The following IGF2BP3 variants were observed in gnomAD, a reference collection of about 807,000 sequenced individuals.
IGF2BP3 encodes the protein insulin-like growth factor 2 mRNA-binding protein 3.
A neutral mutation model predicts 73.8 loss-of-function variants in IGF2BP3; 9 were observed. The ratio of observed to expected loss-of-function variants is 0.12; its 90% CI spans 0.07 to 0.21. The LOEUF is 0.21. Among genes scored for constraint, IGF2BP3 ranks in the 10% least tolerant of loss-of-function variants. IGF2BP3 has a pLI of 1.00. For missense variants in IGF2BP3, 542 were observed against 714.0 expected (o/e 0.76, Z 2.75); for synonymous variants, 258 against 256.7 (o/e 1.01, Z -0.05).
intron 10 of IGF2BP3, among the ~76,000 whole-genome samples, chr7:23,332,521 A>C (rs1483060307): frequency 6.6e-6 from 1 of 152,224 alleles, no homozygotes; most frequent in Non-Finnish European, 1.5e-5. Context: ...CCTTCCTACT[A>C]AACTATTATG....
intron 2 of IGF2BP3, among the ~76,000 whole-genome samples, chr7:23,459,537 A>C (rs2128550889): frequency 6.6e-6 from 1 of 152,300 alleles, no homozygotes; most frequent in South Asian, 2.1e-4. Flanking sequence ...ACCATTTGGA[A>C]GAACTGGACT....
intron 2 of IGF2BP3, among the ~76,000 whole-genome samples, chr7:23,446,437 C>T (rs1676653583): frequency 6.6e-6 from 1 of 152,000 alleles, no homozygotes; most frequent in African/African-American, 2.4e-5. Flanking sequence ...GTGGCGGGCA[C>T]CTGAAATCCC....
At chr7:23,321,420 G>C (rs531402159) in intron 10 of IGF2BP3, among the ~76,000 whole-genome samples, 21 of 150,966 alleles carry the variant, frequency 1.4e-4, no homozygotes, top group South Asian at 6.4e-4. Flanking sequence ...TCGGAGGGTC[G>C]TACGCCCACG....
chr7:23,382,838 G>A (rs1785953493), intron 3 of IGF2BP3, among the ~76,000 whole-genome samples: 1 of 142,266 alleles, frequency 7.0e-6, no homozygotes. Context: ...GTAGAGATTT[G>A]CTGGAGCCTA....
intron 3 of IGF2BP3, among the ~76,000 whole-genome samples, chr7:23,395,819 G>A (rs913540805): frequency 1.3e-5 from 2 of 151,822 alleles, no homozygotes; most frequent in African/African-American, 2.4e-5. Flanking sequence ...CCAGCTACTC[G>A]GGAGGCTGAG....
At chr7:23,435,056 G>A (rs1179158659) in intron 2 of IGF2BP3, among the ~76,000 whole-genome samples, 2 of 151,940 alleles carry the variant, frequency 1.3e-5, no homozygotes, top group African/African-American at 4.8e-5. Context: ...AGCACTTTGA[G>A]AGGCCGAGGC....
chr7:23,383,054 G>A (rs753969748), intron 3 of IGF2BP3, among the ~76,000 whole-genome samples: 17 of 152,080 alleles, frequency 1.1e-4, no homozygotes, highest in Admixed American at 3.3e-4. Flanking sequence ...GTGACAGAGC[G>A]AGACTCTGTC....
intron 11 of IGF2BP3, among the ~76,000 whole-genome samples, chr7:23,318,237 G>T (rs1759463426): frequency 6.6e-6 from 1 of 152,070 alleles, no homozygotes; most frequent in South Asian, 2.1e-4. Flanking sequence ...GCCTTTGTTT[G>T]TCTGAGGCAG....
At chr7:23,425,987 C>A (rs905175072) in intron 2 of IGF2BP3, among the ~76,000 whole-genome samples, 1 of 150,594 alleles carries the variant, frequency 6.6e-6, no homozygotes, top group Admixed American at 6.6e-5. Flanking sequence ...ACAAAAAAAC[C>A]CTGACTTTTA....
intron 3 of IGF2BP3, among the ~76,000 whole-genome samples, chr7:23,393,615 T>C (rs1400535640): frequency 1.3e-5 from 2 of 152,222 alleles, no homozygotes; most frequent in Non-Finnish European, 2.9e-5. Flanking sequence ...TCTCAGACGA[T>C]GAACCATTTG....
chr7:23,408,997 G>A lies in IGF2BP3; in HGVS notation c.285+9779C>T, dbSNP rs544855518. ...GGGATGGGGGGGATGGCTTCAGGAT[G>A]AAACTGTTCCACCTCAGATCATCAG... On this transcript the variant is annotated intron_variant, in intron 3 of 14. Transcript: ENST00000258729. Among the ~76,000 whole-genome samples, 5 of 152,220 alleles carry A rather than the reference G, an allele frequency of 3.3e-5. No homozygotes were observed. In the South Asian group the frequency reaches 1.0e-3, roughly 32 times the overall value.
chr7:23,441,506 G>A lies in IGF2BP3; in HGVS notation c.237-22682C>T, dbSNP rs192208737. Among the ~76,000 whole-genome samples the A allele has an allele frequency of 6.3e-4, 92 of 147,060 alleles. No individual in the cohort carries two copies. The East Asian group carries it at 9.2e-3, about 15-fold the overall frequency. ...GAGAATCGCTTGAACCCGGGAGGCC[G>A]AGGTTGCAGTGAGCTGAGATCGTGC... On this transcript the variant is annotated intron_variant, in intron 2 of 14. Coordinates refer to ENST00000258729, the MANE Select transcript of IGF2BP3 (RefSeq NM_006547.3).
Position 23,418,801 on chromosome 7 carries a change from T to G in IGF2BP3, c.260A>C (p.Asn87Thr). The G allele has an allele frequency of 6.3e-7, 1 of 1,584,770 alleles. No individual in the cohort carries two copies. The highest frequency in any genetic ancestry group is 8.6e-7 in the Non-Finnish European group (1 of 1,160,820). The change falls in exon 3 of 15, where the codon AAT (asparagine) becomes ACT (threonine). Residue 87 changes from asparagine (N) to threonine (T), a missense_variant. Coordinates refer to ENST00000258729, the MANE Select transcript of IGF2BP3 (RefSeq NM_006547.3). Reference sequence around the variant, plus strand: ...CTCCCACTGTAAATGAGGCGGGATATTTCGTATCTGAAGTTTCCGAATCCT... The same window carrying G: ...CTCCCACTGTAAATGAGGCGGGATAGTTCGTATCTGAAGTTTCCGAATCCT... ...RQRIRKLQIRNIPPHLQWEVL... is the reference protein window; with the variant it reads ...RQRIRKLQIRTIPPHLQWEVL...
chr7:23,379,072 C>T (rs1018297982), intron 3 of IGF2BP3, among the ~76,000 whole-genome samples: 7 of 152,204 alleles, frequency 4.6e-5, no homozygotes, highest in Admixed American at 2.6e-4. Context: ...GAGTCCCTCC[C>T]TCCATTAGCA....
intron 3 of IGF2BP3, among the ~76,000 whole-genome samples, chr7:23,415,923 C>G (rs1009060896): frequency 6.6e-6 from 1 of 152,214 alleles, no homozygotes; most frequent in Non-Finnish European, 1.5e-5. Context: ...GAGACAAGCA[C>G]AAAACCTAAG....
chr7:23,312,506 TAA>T, intron 14 of IGF2BP3, 46 bp from the exon 15 acceptor site: 1 of 1,325,156 alleles, frequency 7.5e-7, no homozygotes, highest in East Asian at 2.3e-5. Context: ...CAAAAGCTAC[TAA>T]AAGTTATTGT....
intron 3 of IGF2BP3, among the ~76,000 whole-genome samples, chr7:23,399,154 T>C (rs1786578601): frequency 6.6e-6 from 1 of 152,144 alleles, no homozygotes; most frequent in Non-Finnish European, 1.5e-5. Context: ...CAGCACCATT[T>C]ATTAAATAGG....
intron 3 of IGF2BP3, among the ~76,000 whole-genome samples, chr7:23,368,379 G>GAAAGAAAGAA (rs1562705087): frequency 2.0e-5 from 3 of 149,736 alleles, no homozygotes; most frequent in African/African-American, 7.5e-5. Context: ...AAGAAAGAAA[G>GAAAGAAAGAA]AAAGAAAAGA....
At chr7:23,370,886 C>T (rs1409612801) in intron 3 of IGF2BP3, among the ~76,000 whole-genome samples, 1 of 151,788 alleles carries the variant, frequency 6.6e-6, no homozygotes, top group Non-Finnish European at 1.5e-5. Flanking sequence ...GCCATGTTGG[C>T]CAGGCTGGTC....
Sources: allele counts gnomAD v4.1 joint callset (sites outside exome capture counted in the v4.1 genomes callset), GRCh38; gene constraint gnomAD v4.1.1; transcripts MANE v1.5; gene names NCBI Gene and HGNC (gene_info 2026-07-23, HGNC 2026-07-21).